PRKCB: variants seen among roughly 807,000 people sequenced by gnomAD.
The protein encoded by PRKCB is protein kinase C beta type.
In PRKCB, 13 loss-of-function variants were observed where a neutral mutation model predicts 81.5. The ratio of observed to expected loss-of-function variants is 0.16; its 90% CI spans 0.10 to 0.25. The LOEUF (loss-of-function observed/expected upper bound fraction) is 0.25, where lower values mean the gene tolerates loss of function less well. Among genes scored for constraint, PRKCB ranks in the 10% least tolerant of loss-of-function variants. PRKCB has a pLI of 1.00. For synonymous variants in PRKCB, 335 were observed against 321.4 expected, an observed-to-expected ratio of 1.04 and a Z score of -0.45; for missense variants, 509 against 875.7, an observed-to-expected ratio of 0.58 and a Z score of 5.29.
intron 2 of PRKCB, among the ~76,000 whole-genome samples, chr16:23,855,080 A>T (rs113174585): frequency 1.2e-4 from 19 of 152,068 alleles, no homozygotes; most frequent in African/African-American, 4.6e-4. Context: ...ACTCCCTAAA[A>T]GCTTGAGATT....
intron 3 of PRKCB, among the ~76,000 whole-genome samples, chr16:24,000,732 A>T (rs931213329): frequency 6.6e-6 from 1 of 152,176 alleles, no homozygotes; most frequent in African/African-American, 2.4e-5. Flanking sequence ...TGTACTGACA[A>T]TTCTCTACAT....
intron 3 of PRKCB, among the ~76,000 whole-genome samples, chr16:24,021,072 C>CTCCTTCCTTTCT: frequency 4.1e-4 from 39 of 94,438 alleles, no homozygotes; most frequent in Admixed American, 1.3e-3. Flanking sequence ...CCCTCCCTCC[C>CTCCTTCCTTTCT]TTCTTTCTTT....
intron 2 of PRKCB, among the ~76,000 whole-genome samples, chr16:23,838,634 A>G (rs1962210622): frequency 6.6e-6 from 1 of 152,198 alleles, no homozygotes; most frequent in African/African-American, 2.4e-5. Flanking sequence ...TTTAGCACTG[A>G]CTGACAGTTT....
In PRKCB at chr16:24,124,464, T is replaced by C. The variant is rs9923963; in HGVS notation, c.1065+483T>C. Among the ~76,000 whole-genome samples, 514 of 152,238 alleles carry C rather than the reference T, an allele frequency of 3.4e-3. 5 individuals carry two copies. The highest frequency in any genetic ancestry group is 0.012 in the African/African-American group (482 of 41,542). On this transcript the variant is annotated intron_variant, in intron 9 of 16. Coordinates refer to ENST00000643927, the MANE Select transcript of PRKCB (RefSeq NM_002738.7). ...TCACTCACAGTGCAGCGGGGAGCCA[T>C]TGAACCTTTTTAAGCAGATTAGTGA...
chr16:24,081,881 T>C (rs192686119), intron 5 of PRKCB, among the ~76,000 whole-genome samples: 37 of 148,166 alleles, frequency 2.5e-4, no homozygotes, highest in African/African-American at 8.4e-4. Context: ...AAAAAAGTAA[T>C]AATAAAATAA....
chr16:24,065,250 T>C (rs74013113), intron 5 of PRKCB, among the ~76,000 whole-genome samples: 2,483 of 151,756 alleles, frequency 0.016, 68 homozygotes, highest in African/African-American at 0.056. Flanking sequence ...CTATGATTTT[T>C]CGTTTGTCCC....
chr16:24,138,490 A>C (rs2141941433), intron 9 of PRKCB, among the ~76,000 whole-genome samples: 1 of 152,364 alleles, frequency 6.6e-6, no homozygotes, highest in Middle Eastern at 3.4e-3. Flanking sequence ...GCTTTGTCAA[A>C]TATAACATAG....
chr16:24,142,902 C>A (rs1393890593), intron 9 of PRKCB, among the ~76,000 whole-genome samples: 1 of 151,984 alleles, frequency 6.6e-6, no homozygotes, highest in Non-Finnish European at 1.5e-5. Context: ...CTGTACCCAG[C>A]CTCGTCCACA....
At position 24,216,448 on chromosome 16, in the gene PRKCB, G is replaced by A. The variant is rs925090965; in HGVS notation, c.*1632G>A. 8.1e-5 allele frequency: 80 copies of A among 985,280 alleles called. No homozygotes were observed. Among genetic ancestry groups the A allele is most frequent in the African/African-American group, 1.6e-4 (9 of 57,220 alleles). 61.0% of individuals were successfully genotyped at this position (985,280 alleles called of 1,614,324 possible). On this transcript the variant is annotated 3_prime_UTR_variant, in exon 17 of 17. Transcript: ENST00000643927. ...AGGTGACTCCCCCTCCTCGCCTGCC[G>A]TGTCCTGCTATTCTCAGGCAGCTCT... is the stretch of plus-strand genomic sequence containing the variant.
intron 2 of PRKCB, among the ~76,000 whole-genome samples, chr16:23,916,934 ATT>A (rs56162380): frequency 1.8e-4 from 27 of 149,974 alleles, no homozygotes; most frequent in East Asian, 1.8e-3. Flanking sequence ...TGATTTTTGT[ATT>A]TTTTTTTTTC....
At chr16:24,049,047 GTTTTTTTTTTT>G (rs1160842975) in intron 5 of PRKCB, among the ~76,000 whole-genome samples, 10 of 49,696 alleles carry the variant, frequency 2.0e-4, no homozygotes, top group African/African-American at 4.0e-4. Flanking sequence ...AAATTGGCCT[GTTTTTTTTTTT>G]TTTTTTTTTT....
chr16:24,040,962 T>G (rs1965689572), intron 5 of PRKCB, among the ~76,000 whole-genome samples: 1 of 152,028 alleles, frequency 6.6e-6, no homozygotes, highest in Non-Finnish European at 1.5e-5. Flanking sequence ...TGCCCATAGG[T>G]GTCATGAGAT....
chr16:23,895,154 G>A (rs1567305462), intron 2 of PRKCB, among the ~76,000 whole-genome samples: 5 of 151,954 alleles, frequency 3.3e-5, no homozygotes, highest in Admixed American at 2.6e-4. Context: ...TTAAGAATAA[G>A]CATTTAATTG....
intron 7 of PRKCB, among the ~76,000 whole-genome samples, chr16:24,106,023 C>T (rs1966572363): frequency 6.7e-6 from 1 of 149,734 alleles, no homozygotes; most frequent in Non-Finnish European, 1.5e-5. Context: ...TAACTATTAT[C>T]TTAAATCAGT....
chr16:24,040,437 A>G (rs1965684517), intron 5 of PRKCB, among the ~76,000 whole-genome samples: 1 of 152,076 alleles, frequency 6.6e-6, no homozygotes, highest in African/African-American at 2.4e-5. Flanking sequence ...ACCATCTAAT[A>G]AGCTTCCTCC....
At chr16:23,891,569 A>G (rs1963295720) in intron 2 of PRKCB, among the ~76,000 whole-genome samples, 1 of 152,148 alleles carries the variant, frequency 6.6e-6, no homozygotes, top group African/African-American at 2.4e-5. Context: ...TCAATTTTCT[A>G]TGTTAGGCCT....
chr16:23,941,463 G>A (rs1483914310), intron 2 of PRKCB, among the ~76,000 whole-genome samples: 3 of 152,042 alleles, frequency 2.0e-5, no homozygotes, highest in Non-Finnish European at 2.9e-5. Flanking sequence ...AAAAAATAAA[G>A]CCATGGTCTA....
intron 2 of PRKCB, among the ~76,000 whole-genome samples, chr16:23,909,051 C>T (rs953388462): frequency 1.6e-4 from 24 of 152,296 alleles, no homozygotes; most frequent in African/African-American, 4.8e-4. Context: ...CAGAGCTAGG[C>T]GAACAGTTGG....
At chr16:24,129,549 ATCTG>A (rs1049824968) in intron 9 of PRKCB, among the ~76,000 whole-genome samples, 8 of 151,058 alleles carry the variant, frequency 5.3e-5, no homozygotes, top group East Asian at 1.9e-4. Flanking sequence ...CTATCTATCC[ATCTG>A]TCTATCTAAT....
Sources: gnomAD v4.1 joint callset for allele counts (sites outside exome capture counted in the v4.1 genomes callset) on GRCh38, gnomAD v4.1.1 for gene constraint, MANE v1.5 for transcripts, NCBI Gene and HGNC (gene_info 2026-07-23, HGNC 2026-07-21) for gene names.